The following LYPD6B variants were observed in gnomAD, a reference collection of about 807,000 sequenced individuals.
LYPD6B encodes ly6/PLAUR domain-containing protein 6B.
LYPD6B carries 17 observed loss-of-function variants against 22.8 expected under a neutral mutation model. The observed-to-expected ratio is 0.75, with a 90% CI of 0.51 to 1.12. The LOEUF is 1.12. LYPD6B is among the 50% of genes most tolerant of loss of function. LYPD6B has a pLI of 0.00. For synonymous variants in LYPD6B, 106 were observed against 91.6 expected (o/e 1.16, Z -0.90); for missense variants, 221 against 258.3 (o/e 0.86, Z 0.99).
At chr2:149,073,372 C>T (rs1312129868) in intron 1 of LYPD6B, among the ~76,000 whole-genome samples, 1 of 152,176 alleles carries the variant, frequency 6.6e-6, no homozygotes, top group Non-Finnish European at 1.5e-5. Context: ...CTGAATGACA[C>T]CCTTGTTTCC....
intron 6 of LYPD6B, among the ~76,000 whole-genome samples, chr2:149,213,492 T>C (rs749969678): frequency 2.0e-5 from 3 of 152,216 alleles, no homozygotes; most frequent in Non-Finnish European, 2.9e-5. Context: ...TTAGCCTCAG[T>C]TTAATATGAT....
At chr2:149,165,363 T>A (rs1449353650) in intron 3 of LYPD6B, among the ~76,000 whole-genome samples, 2 of 152,220 alleles carry the variant, frequency 1.3e-5, no homozygotes, top group Non-Finnish European at 2.9e-5. Context: ...ATGGCCATTT[T>A]AAATTTATTG....
chr2:149,136,627 A>G (rs982723766), intron 2 of LYPD6B, among the ~76,000 whole-genome samples: 1 of 152,268 alleles, frequency 6.6e-6, no homozygotes. Context: ...AAAACACCCA[A>G]TAGAAAACAA....
chr2:149,150,616 A>G (rs1436750223), intron 2 of LYPD6B, among the ~76,000 whole-genome samples: 24 of 151,976 alleles, frequency 1.6e-4, no homozygotes, highest in Admixed American at 1.6e-3. Flanking sequence ...AGAAACTTTT[A>G]GCATTTTCTC....
chr2:149,203,672 A>C (rs918819355), intron 3 of LYPD6B, among the ~76,000 whole-genome samples: 1 of 152,236 alleles, frequency 6.6e-6, no homozygotes, highest in Non-Finnish European at 1.5e-5. Context: ...AATGCAGTGT[A>C]GAAAGTTTAG....
chr2:149,158,834 T>A (rs534129076), intron 2 of LYPD6B, among the ~76,000 whole-genome samples: 1 of 152,190 alleles, frequency 6.6e-6, no homozygotes, highest in East Asian at 1.9e-4. Context: ...CTGAGGGCAG[T>A]TTTTCTATGG....
chr2:149,127,348 A>G (rs1559016163), intron 1 of LYPD6B, among the ~76,000 whole-genome samples: 1 of 152,124 alleles, frequency 6.6e-6, no homozygotes, highest in Non-Finnish European at 1.5e-5. Flanking sequence ...TCCTCCAGAG[A>G]AGATTGAAAT....
intron 2 of LYPD6B, among the ~76,000 whole-genome samples, chr2:149,139,459 A>C (rs1380583577): frequency 1.3e-5 from 2 of 152,192 alleles, no homozygotes; most frequent in African/African-American, 4.8e-5. Flanking sequence ...TCTTGTAATA[A>C]TGTCACCAGA....
rs114390631 is a variant in LYPD6B, at chr2:149,128,585, G to A, written c.-66-2298G>A. Among the ~76,000 whole-genome samples, 1,465 of 152,296 alleles carry A rather than the reference G, an allele frequency of 9.6e-3. 18 individuals carry two copies. Among genetic ancestry groups the A allele is most frequent in the Non-Finnish European group, 0.014 (973 of 68,026 alleles). On this transcript the variant is annotated intron_variant, in intron 1 of 6. Transcript: ENST00000409642. Reference sequence around the variant, plus strand: ...GTCTTTAGTGTTTTTGTCTCACCTGGATAGAGACTATTGAAAGAAATGTGT... The same window carrying A: ...GTCTTTAGTGTTTTTGTCTCACCTGAATAGAGACTATTGAAAGAAATGTGT...
rs79566947 is a variant in LYPD6B, at chr2:149,149,171, T to A, written c.6-11593T>A. ...AGGTTGATGAAAAAATAATTGCAGT[T>A]TTCACCATTAAAAGTAATGGCAAAA... On this transcript the variant is annotated intron_variant, in intron 2 of 6. Transcript: ENST00000409642. Among the ~76,000 whole-genome samples the A allele has an allele frequency of 5.3e-3, 807 of 152,104 alleles. 8 individuals are homozygous for A. Among genetic ancestry groups the A allele is most frequent in the African/African-American group, 0.019 (784 of 41,472 alleles).
chr2:149,201,765 C>A (rs1693174951), intron 3 of LYPD6B, among the ~76,000 whole-genome samples: 1 of 152,144 alleles, frequency 6.6e-6, no homozygotes, highest in Non-Finnish European at 1.5e-5. Context: ...TAAGTCTATG[C>A]TGTTTTAGTT....
intron 5 of LYPD6B, among the ~76,000 whole-genome samples, chr2:149,210,794 A>C (rs1693799777): frequency 6.6e-6 from 1 of 152,172 alleles, no homozygotes; most frequent in African/African-American, 2.4e-5. Context: ...TGGAAATTGA[A>C]ATGTTTTCTC....
intron 5 of LYPD6B, among the ~76,000 whole-genome samples, chr2:149,209,145 T>G (rs905764489): frequency 5.3e-5 from 8 of 152,184 alleles, no homozygotes; most frequent in African/African-American, 1.9e-4. Flanking sequence ...GGAGCTTCTT[T>G]TTTCTAATAA....
intron 1 of LYPD6B, among the ~76,000 whole-genome samples, chr2:149,093,097 C>T (rs1453031680): frequency 6.6e-6 from 1 of 152,080 alleles, no homozygotes; most frequent in Non-Finnish European, 1.5e-5. Context: ...TGACCTGGAA[C>T]AAGGCTGTCA....
intron 1 of LYPD6B, among the ~76,000 whole-genome samples, chr2:149,039,835 G>A (rs531320891): frequency 3.3e-5 from 5 of 152,206 alleles, no homozygotes; most frequent in Non-Finnish European, 7.3e-5. Context: ...CCTGCAGATG[G>A]AGGGGGTGTT....
chr2:149,047,268 G>C (rs1454991256), intron 1 of LYPD6B, among the ~76,000 whole-genome samples: 1 of 151,716 alleles, frequency 6.6e-6, no homozygotes, highest in Non-Finnish European at 1.5e-5. Context: ...GTTTCTCTTT[G>C]ATTTCTATTT....
At chr2:149,188,683 C>CA (rs1255082340) in intron 3 of LYPD6B, 39 of 981,740 alleles carry the variant, frequency 4.0e-5, no homozygotes, top group South Asian at 3.3e-4. Flanking sequence ...AAAATGGTGA[C>CA]AGAGGATATA....
At chr2:149,207,532 A>G (rs1258774894) in intron 4 of LYPD6B, among the ~76,000 whole-genome samples, 1 of 152,144 alleles carries the variant, frequency 6.6e-6, no homozygotes, top group Non-Finnish European at 1.5e-5. Context: ...AGAAAAAAAA[A>G]AGGCATAAAG....
intron 3 of LYPD6B, among the ~76,000 whole-genome samples, chr2:149,185,613 G>A (rs1692045363): frequency 6.6e-6 from 1 of 152,210 alleles, no homozygotes; most frequent in Non-Finnish European, 1.5e-5. Flanking sequence ...CCACACGTAA[G>A]TAGAAGGAGG....
Sources: allele counts gnomAD v4.1 joint callset (sites outside exome capture counted in the v4.1 genomes callset), GRCh38; gene constraint gnomAD v4.1.1; transcripts MANE v1.5; gene names NCBI Gene and HGNC (gene_info 2026-07-23, HGNC 2026-07-21).